Variants in DNAH14 observed in about 807,000 individuals in gnomAD.
The protein encoded by DNAH14 is axonemal beta dynein heavy chain 14.
Under a neutral mutation model 520.9 loss-of-function variants are expected in DNAH14, and 478 were observed. The observed-to-expected ratio is 0.92, with a 90% confidence interval of 0.85 to 0.99. DNAH14 has a LOEUF of 0.99. Among genes scored for constraint, DNAH14 ranks in the 50% least tolerant of loss-of-function variants. The pLI is 0.00. For missense variants in DNAH14, 4,831 were observed against 5,234.5 expected, an observed-to-expected ratio of 0.92 and a Z score of 2.38; for synonymous variants, 1,581 against 1,757.2, an observed-to-expected ratio of 0.90 and a Z score of 2.51.
At chr1:225,148,396 CTTTTT>C (rs560233312) in intron 31 of DNAH14, among the ~76,000 whole-genome samples, 11 of 96,620 alleles carry the variant, frequency 1.1e-4, no homozygotes, top group African/African-American at 3.9e-4. Flanking sequence ...TAATGTTGAG[CTTTTT>C]TTTTTTTTTT....
intron 3 of DNAH14, among the ~76,000 whole-genome samples, chr1:224,958,862 A>G (rs577863685): frequency 6.6e-6 from 1 of 152,212 alleles, no homozygotes; most frequent in East Asian, 1.9e-4. Context: ...TGACCAGGCA[A>G]TTGGTACTTA....
At chr1:224,979,628 G>A (rs1319891240) in intron 8 of DNAH14, among the ~76,000 whole-genome samples, 3 of 152,176 alleles carry the variant, frequency 2.0e-5, no homozygotes, top group Non-Finnish European at 1.5e-5. Flanking sequence ...GATGTGGGGG[G>A]CACCCAACCT....
Position 225,380,050 on chromosome 1 carries a change from C to G in DNAH14, c.12717-109C>G. 3 of 1,203,496 alleles carry G rather than the reference C, an allele frequency of 2.5e-6. No homozygotes were observed. In the South Asian group the frequency reaches 4.8e-5, roughly 19 times the overall value. The allele number at this position is 1,203,496 out of a possible 1,614,324, so 74.6% of individuals were successfully genotyped here. ...ACTCATCCTACAGTGGTATAGAACA[C>G]TAAACATATTCCTCCTGTCTACCAG... On this transcript the variant is annotated intron_variant, in intron 79 of 85. Coordinates refer to ENST00000682510, the MANE Select transcript of DNAH14 (RefSeq NM_001367479.1).
chr1:225,166,191 A>G (rs1338975164), intron 35 of DNAH14, among the ~76,000 whole-genome samples: 1 of 152,136 alleles, frequency 6.6e-6, no homozygotes, highest in Non-Finnish European at 1.5e-5. Context: ...ACATTTTTCA[A>G]GTATTTCCAC....
intron 43 of DNAH14, among the ~76,000 whole-genome samples, chr1:225,249,011 A>C (rs2092430270): frequency 6.6e-6 from 1 of 152,238 alleles, no homozygotes; most frequent in Non-Finnish European, 1.5e-5. Flanking sequence ...GAATGGATAT[A>C]CTTAGCACTG....
chr1:225,316,634 G>C (rs908108889), intron 60 of DNAH14, among the ~76,000 whole-genome samples: 11 of 152,146 alleles, frequency 7.2e-5, no homozygotes, highest in African/African-American at 2.7e-4. Context: ...TGCTTCCTGG[G>C]TGAGGTGATG....
intron 45 of DNAH14, among the ~76,000 whole-genome samples, chr1:225,258,599 A>C (rs1020081236): frequency 6.6e-6 from 1 of 152,208 alleles, no homozygotes; most frequent in Non-Finnish European, 1.5e-5. Flanking sequence ...GTTGCATAGC[A>C]CCAGAGGCAA....
At chr1:225,350,906 G>C (rs1441235019) in intron 71 of DNAH14, among the ~76,000 whole-genome samples, 2 of 152,116 alleles carry the variant, frequency 1.3e-5, no homozygotes, top group African/African-American at 4.8e-5. Flanking sequence ...GCATTATTCT[G>C]ATACTAAAGC....
intron 36 of DNAH14, among the ~76,000 whole-genome samples, chr1:225,184,934 AAAT>A (rs2084503595): frequency 2.0e-5 from 3 of 152,140 alleles, no homozygotes; most frequent in Non-Finnish European, 4.4e-5. Context: ...TAAAAGAAAG[AAAT>A]AAAAGACATC....
rs570513380 is a variant in DNAH14 at position 225,037,425 on chromosome 1, A to T, written c.1359-1269A>T. Among the ~76,000 whole-genome samples, 7 of 152,252 alleles carry T rather than the reference A, an allele frequency of 4.6e-5. No individual in the cohort carries two copies. In the South Asian group the frequency reaches 1.5e-3, roughly 32 times the overall value. ...GATTTTAGGTTACTATGAGTCTTGTAAATAATATAACCCATTATTTTAACC... is the reference window on the plus strand; with the variant it reads ...GATTTTAGGTTACTATGAGTCTTGTTAATAATATAACCCATTATTTTAACC... On this transcript the variant is annotated intron_variant, in intron 11 of 85. Transcript: ENST00000682510.
chr1:225,007,920 C>G (rs1284346396), intron 10 of DNAH14, among the ~76,000 whole-genome samples: 1 of 100,630 alleles, frequency 9.9e-6, no homozygotes, highest in Non-Finnish European at 2.1e-5. Context: ...ATGTACATTT[C>G]TTTTTTCTTT....
At chr1:225,075,989 C>CAA in intron 17 of DNAH14, among the ~76,000 whole-genome samples, 1 of 152,194 alleles carries the variant, frequency 6.6e-6, no homozygotes, top group East Asian at 1.9e-4. Flanking sequence ...GCTGGCTGGT[C>CAA]CAGCCTAGGG....
intron 43 of DNAH14, among the ~76,000 whole-genome samples, chr1:225,251,230 A>G (rs912873851): frequency 1.4e-4 from 21 of 151,544 alleles, no homozygotes; most frequent in Non-Finnish European, 5.9e-5. Context: ...CTATAGTGCA[A>G]TAGCGTGATC....
At chr1:225,172,054 C>G (rs373001647) in intron 36 of DNAH14, among the ~76,000 whole-genome samples, 3 of 152,136 alleles carry the variant, frequency 2.0e-5, no homozygotes, top group Non-Finnish European at 4.4e-5. Flanking sequence ...AGGCCTTTGA[C>G]AAAATTCAAC....
rs187360951 is a variant in DNAH14, at chr1:224,968,085, G to T, written c.651+502G>T. Among the ~76,000 whole-genome samples the T allele has an allele frequency of 3.9e-5, 6 of 152,070 alleles. No homozygotes were observed. In the East Asian group the frequency reaches 9.7e-4, roughly 25 times the overall value. ...CTGCCTTCCCAGCCTCCCATAAAAT[G>T]AACTTTATTAGTGGGCAAGACCACA... On this transcript the variant is annotated intron_variant, in intron 6 of 85. Transcript: ENST00000682510.
intron 37 of DNAH14, among the ~76,000 whole-genome samples, chr1:225,189,333 G>A (rs1369651543): frequency 6.6e-6 from 1 of 150,900 alleles, no homozygotes; most frequent in African/African-American, 2.4e-5. Flanking sequence ...TCCTTTTCTT[G>A]TGCCATCTTT....
intron 8 of DNAH14, among the ~76,000 whole-genome samples, chr1:224,997,576 A>C (rs2063480182): frequency 6.6e-6 from 1 of 152,002 alleles, no homozygotes; most frequent in East Asian, 1.9e-4. Context: ...TTTCTTTGGG[A>C]GGTAATAAAG....
chr1:225,373,426 C>T (rs1208265969), intron 77 of DNAH14, among the ~76,000 whole-genome samples: 2 of 147,538 alleles, frequency 1.4e-5, no homozygotes, highest in Non-Finnish European at 3.0e-5. Flanking sequence ...GGTCGCGCCA[C>T]TGCACTCCAG....
At chr1:225,368,533 A>G (rs924399055) in intron 77 of DNAH14, among the ~76,000 whole-genome samples, 1 of 152,168 alleles carries the variant, frequency 6.6e-6, no homozygotes, top group Non-Finnish European at 1.5e-5. Context: ...TATTCTCTAT[A>G]TAGAACCTTC....
Sources: allele counts gnomAD v4.1 joint callset (sites outside exome capture counted in the v4.1 genomes callset), GRCh38; gene constraint gnomAD v4.1.1; transcripts MANE v1.5; gene names NCBI Gene and HGNC (gene_info 2026-07-23, HGNC 2026-07-21).